Variants in APP observed in about 807,000 individuals in gnomAD.
APP encodes amyloid-beta precursor protein.
In APP, 31 loss-of-function variants were observed where a neutral mutation model predicts 101.4. The observed-to-expected ratio is 0.31, with a 90% CI of 0.23 to 0.41. The LOEUF (loss-of-function observed/expected upper bound fraction) is 0.41, where lower values mean the gene tolerates loss of function less well. Ranked by LOEUF, APP falls within the 10% of genes least tolerant of loss-of-function variation. APP has a pLI of 1.00. For missense variants in APP, 839 were observed against 1,003.7 expected, an observed-to-expected ratio of 0.84 and a Z score of 2.22; for synonymous variants, 366 against 364.4, an observed-to-expected ratio of 1.00 and a Z score of -0.05.
chr21:26,021,958 CTCATCGTCCTCG>C lies in APP; in HGVS notation c.735_746del (p.Asp245_Asp248del), dbSNP rs1398952170. On this transcript the variant is annotated inframe_deletion, in exon 6 of 18. Transcript: ENST00000346798. The stretch of plus-strand genomic sequence containing the variant: ...CCTCTTCCTCTACCTCATCACCATC[CTCATCGTCCTCG>C]TCATCATCGGCTTCTTCTTCTTCCA... The C allele has an allele frequency of 2.5e-6, 4 of 1,613,710 alleles. No homozygotes were observed. The highest frequency in any genetic ancestry group is 3.4e-6 in the Non-Finnish European group (4 of 1,179,844).
rs755525590 is a variant in APP, at chr21:26,051,028, C to T, written c.634G>A (p.Gly212Arg). ...CCATCTGCATAGTCTGTGTCTGCTC[C>T]GCCCCACCAGACATCCGAGTCATCC... ...EEDDSDVWWG[G>R]ADTDYADGSE... Residue 212 changes from glycine to arginine, a missense_variant, in exon 5 of 18, where the codon GGA becomes AGA. Transcript: ENST00000346798. 7.4e-6 allele frequency: 12 copies of T among 1,614,018 alleles called. No individual in the cohort carries two copies. The highest frequency in any genetic ancestry group is 2.2e-5 in the East Asian group (1 of 44,894).
intron 3 of APP, among the ~76,000 whole-genome samples, chr21:26,054,210 A>T (rs898085101): frequency 1.3e-5 from 2 of 152,172 alleles, no homozygotes; most frequent in African/African-American, 4.8e-5. Context: ...AGTGGGAAAA[A>T]CCTCAAAGAA....
chr21:26,014,132 T>G (rs752368155), intron 6 of APP, among the ~76,000 whole-genome samples: 2 of 152,214 alleles, frequency 1.3e-5, no homozygotes, highest in African/African-American at 4.8e-5. Context: ...AAATACTCCC[T>G]GGAGCTTTAG....
At chr21:26,123,871 G>T (rs1221836634) in intron 1 of APP, among the ~76,000 whole-genome samples, 1 of 152,126 alleles carries the variant, frequency 6.6e-6, no homozygotes, top group Admixed American at 6.5e-5. Context: ...CCAATATTAG[G>T]AGGGTGCAGT....
intron 1 of APP, among the ~76,000 whole-genome samples, chr21:26,164,833 G>A (rs2063572322): frequency 6.7e-6 from 1 of 149,104 alleles, no homozygotes; most frequent in African/African-American, 2.5e-5. Flanking sequence ...TCCAGCCTGG[G>A]TGACAGAGGG....
At chr21:26,072,102 T>C (rs1172509931) in intron 3 of APP, among the ~76,000 whole-genome samples, 3 of 152,204 alleles carry the variant, frequency 2.0e-5, no homozygotes, top group Non-Finnish European at 4.4e-5. Flanking sequence ...TAGGCCACCT[T>C]TGGGGGAAAA....
chr21:26,117,759 A>G (rs1420192572), intron 1 of APP, among the ~76,000 whole-genome samples: 1 of 152,228 alleles, frequency 6.6e-6, no homozygotes, highest in Non-Finnish European at 1.5e-5. Context: ...CTGAAACTGC[A>G]AGTGGTTTCT....
At chr21:25,963,422 GAA>G (rs1337141325) in intron 11 of APP, among the ~76,000 whole-genome samples, 1 of 152,166 alleles carries the variant, frequency 6.6e-6, no homozygotes, top group Non-Finnish European at 1.5e-5. Context: ...GGAAGGCAGT[GAA>G]GTGTCAAGAG....
At chr21:26,000,371 A>G (rs897673420) in intron 6 of APP, among the ~76,000 whole-genome samples, 189 bp from the exon 7 acceptor site, 9 of 152,216 alleles carry the variant, frequency 5.9e-5, no homozygotes, top group African/African-American at 2.2e-4. Context: ...CTCTCAGAGC[A>G]TGCACTGTCA....
chr21:26,146,864 C>G (rs1044164422), intron 1 of APP, among the ~76,000 whole-genome samples: 1 of 152,188 alleles, frequency 6.6e-6, no homozygotes, highest in Non-Finnish European at 1.5e-5. Context: ...GTACATAATA[C>G]TAGGTAATCC....
intron 1 of APP, among the ~76,000 whole-genome samples, chr21:26,156,892 T>C (rs1346148980): frequency 6.6e-6 from 1 of 152,084 alleles, no homozygotes; most frequent in Non-Finnish European, 1.5e-5. Flanking sequence ...ATATGAGCAA[T>C]ATAATATGAC....
chr21:26,034,369 G>C lies in APP; in HGVS notation c.663-12327C>G, dbSNP rs191497897. On this transcript the variant is annotated intron_variant, in intron 5 of 17. Coordinates refer to ENST00000346798, the MANE Select transcript of APP (RefSeq NM_000484.4). ...ATAAAAGAAATCTACTATCGGCCAGGCACGGTGGCTCAGGCCTGTAATCCC... is the reference window on the plus strand; with the variant it reads ...ATAAAAGAAATCTACTATCGGCCAGCCACGGTGGCTCAGGCCTGTAATCCC... 1.3e-3 allele frequency among the ~76,000 whole-genome samples: 205 copies of C among 152,224 alleles called. 2 individuals are homozygous for C. Among genetic ancestry groups the C allele is most frequent in the African/African-American group, 4.7e-3 (197 of 41,540 alleles).
chr21:26,018,382 A>G (rs1017933754), intron 6 of APP, among the ~76,000 whole-genome samples: 13 of 152,230 alleles, frequency 8.5e-5, no homozygotes, highest in African/African-American at 1.2e-4. Flanking sequence ...TGAACACAGA[A>G]GCAACCTACT....
intron 8 of APP, among the ~76,000 whole-genome samples, chr21:25,987,993 A>T (rs927483266): frequency 6.6e-6 from 1 of 151,576 alleles, no homozygotes; most frequent in African/African-American, 2.4e-5. Flanking sequence ...AAGAGGAAAA[A>T]GAAAAACAGA....
chr21:25,961,360 C>T (rs1404494291), intron 11 of APP, among the ~76,000 whole-genome samples: 2 of 152,166 alleles, frequency 1.3e-5, no homozygotes, highest in African/African-American at 4.8e-5. Flanking sequence ...TTCCTGAGGC[C>T]GTGTCACAGG....
chr21:25,961,284 A>G (rs1175366509), intron 11 of APP, among the ~76,000 whole-genome samples: 1 of 152,168 alleles, frequency 6.6e-6, no homozygotes, highest in African/African-American at 2.4e-5. Flanking sequence ...CTGATGCCTC[A>G]TGTCTCCCTA....
intron 3 of APP, among the ~76,000 whole-genome samples, chr21:26,054,512 G>A (rs918478621): frequency 5.9e-5 from 9 of 152,102 alleles, no homozygotes; most frequent in African/African-American, 2.2e-4. Context: ...GAAAGCAAGT[G>A]GCAAAGGGAG....
chr21:25,918,569 G>A (rs2146344113), intron 13 of APP, among the ~76,000 whole-genome samples: 1 of 152,184 alleles, frequency 6.6e-6, no homozygotes, highest in Middle Eastern at 3.4e-3. Context: ...CCTCACCTGG[G>A]AAGCGCAAGG....
rs1491556765 is a variant in APP at position 26,032,805 on chromosome 21, A to AAATATATAT, written c.663-10764_663-10763insATATATATT. On this transcript the variant is annotated intron_variant, in intron 5 of 17. Coordinates refer to ENST00000346798, the MANE Select transcript of APP (RefSeq NM_000484.4). ...GGCTTATTATTTTAGAAAAAAAAAA[A>AAATATATAT]ATATATATATATATATAAAGAGCTA... Among the ~76,000 whole-genome samples the AAATATATAT allele has an allele frequency of 7.2e-5, 9 of 124,474 alleles. No individual in the cohort carries two copies. In the East Asian group the frequency reaches 2.0e-3, roughly 27 times the overall value. The allele number at this position is 124,474 out of a possible 152,430, so 81.7% of individuals were successfully genotyped here. A position where few individuals can be genotyped will look rare whatever the true frequency, so the allele number is the denominator to read the frequency against.
Sources: allele counts gnomAD v4.1 joint callset (sites outside exome capture counted in the v4.1 genomes callset), GRCh38; gene constraint gnomAD v4.1.1; transcripts MANE v1.5; gene names NCBI Gene and HGNC (gene_info 2026-07-23, HGNC 2026-07-21).